The following DUSP3 variants were observed in gnomAD, a reference collection of about 807,000 sequenced individuals.
DUSP3 encodes dual specificity protein phosphatase 3.
DUSP3 carries 7 observed loss-of-function variants against 15.5 expected under a neutral mutation model. That is an observed-to-expected ratio of 0.45 (90% CI 0.26 to 0.85). DUSP3 has a LOEUF of 0.85. Among genes scored for constraint, DUSP3 ranks in the 40% least tolerant of loss-of-function variants. The probability of loss-of-function intolerance (pLI) is 0.18; values close to 1 mark genes in which losing one functional copy is unlikely to be tolerated. For missense variants in DUSP3, 209 were observed against 251.7 expected (o/e 0.83, Z 1.15); for synonymous variants, 86 against 104.2 (o/e 0.83, Z 1.07).
At chr17:43,771,729 C>T (rs972848500) in intron 2 of DUSP3, among the ~76,000 whole-genome samples, 9 of 152,124 alleles carry the variant, frequency 5.9e-5, no homozygotes, top group Admixed American at 5.9e-4. Context: ...CAAGAAATGG[C>T]CGGACACGGT....
chr17:43,774,691 T>G, intron 2 of DUSP3, 21 bp downstream of exon 2: 1 of 1,612,966 alleles, frequency 6.2e-7, no homozygotes, highest in South Asian at 1.1e-5. Context: ...TCCCATCTTT[T>G]CCTGGTGGGA....
At chr17:43,774,185 C>T (rs1256444595) in intron 2 of DUSP3, 3 of 276,868 alleles carry the variant, frequency 1.1e-5, no homozygotes, top group South Asian at 9.3e-5. Flanking sequence ...GCTGCAGGGC[C>T]TCATCTGCTG....
chr17:43,776,805 C>G (rs1974394014), intron 1 of DUSP3, among the ~76,000 whole-genome samples: 1 of 152,212 alleles, frequency 6.6e-6, no homozygotes, highest in African/African-American at 2.4e-5. Context: ...GGCCTGCTTG[C>G]TGCTTGGTGC....
At chr17:43,772,986 C>G (rs919768747) in intron 2 of DUSP3, among the ~76,000 whole-genome samples, 4 of 152,292 alleles carry the variant, frequency 2.6e-5, no homozygotes, top group Middle Eastern at 3.4e-3. Flanking sequence ...TGCTATTATA[C>G]GAGAACAACA....
rs1471425459 is a variant in DUSP3 at position 43,768,855 on chromosome 17, CTGAGA to C, written c.*749_*753del. 1 of 151,524 alleles carries C rather than the reference CTGAGA, an allele frequency of 6.6e-6. No homozygotes were observed. Among genetic ancestry groups the C allele is most frequent in the Non-Finnish European group, 1.5e-5 (1 of 67,936 alleles). 9.4% of individuals were successfully genotyped at this position (151,524 alleles called of 1,614,324 possible). On this transcript the variant is annotated 3_prime_UTR_variant, in exon 3 of 3. Transcript: ENST00000226004. ...ATCACTCTTCTCAAAAACGAAGTGA[CTGAGA>C]TAAGATCGAAGGGAAATATTCCAGA...
intron 2 of DUSP3, 96 bp downstream of exon 2, chr17:43,774,616 G>C (rs536993378): frequency 2.3e-6 from 3 of 1,320,060 alleles, no homozygotes; most frequent in African/African-American, 1.5e-5. Flanking sequence ...GGGAAACAAG[G>C]GAGTTTCTAA....
Position 43,778,853 on chromosome 17 carries a change from G to C in DUSP3, c.72C>G (p.Ser24Arg), listed in dbSNP as rs1381923630. ...DLLSDGSGCY[S>R]LPSQPCNEVT... ...CCTCGTTGCAGGGCTGGCTCGGGAG[G>C]CTGTAGCAGCCGCTGCCGTCCGAGA... Residue 24 changes from serine (S) to arginine (R), a missense_variant, in exon 1 of 3, where the codon AGC becomes AGG. Ser to Arg is a moderately radical substitution (Grantham distance 110). Coordinates refer to ENST00000226004, the MANE Select transcript of DUSP3 (RefSeq NM_004090.4). 2 of 1,527,204 alleles carry C rather than the reference G, an allele frequency of 1.3e-6. No homozygotes were observed. The highest frequency in any genetic ancestry group is 1.8e-6 in the Non-Finnish European group (2 of 1,138,892). 94.6% of individuals were successfully genotyped at this position (1,527,204 alleles called of 1,614,324 possible). A position where few individuals can be genotyped will look rare whatever the true frequency, so the allele number is the denominator to read the frequency against.
intron 1 of DUSP3, chr17:43,777,415 C>A: frequency 2.3e-6 from 1 of 439,168 alleles, no homozygotes; most frequent in Non-Finnish European, 4.6e-6. Flanking sequence ...TGAGAACTGT[C>A]CCCATGAGGC....
chr17:43,777,703 CT>C, intron 1 of DUSP3: 1 of 371,806 alleles, frequency 2.7e-6, no homozygotes, highest in South Asian at 2.0e-5. Context: ...GAAAATCCAA[CT>C]TGAGGCTTTC....
chr17:43,770,986 ATATATGTG>A (rs1278337048), intron 2 of DUSP3, among the ~76,000 whole-genome samples: 1 of 63,326 alleles, frequency 1.6e-5, no homozygotes, highest in African/African-American at 5.1e-5. Flanking sequence ...GTGCGTGTAT[ATATATGTG>A]TGTGTGTGTG....
intron 1 of DUSP3, 138 bp from the exon 2 acceptor site, chr17:43,775,076 C>T: frequency 1.2e-6 from 1 of 824,568 alleles, no homozygotes; most frequent in South Asian, 1.5e-5. Context: ...TCTCCTGCCT[C>T]ATCTTATGAC....
chr17:43,771,345 A>C (rs61608877), intron 2 of DUSP3, among the ~76,000 whole-genome samples: 37,275 of 151,956 alleles, frequency 0.25, 5,202 homozygotes, highest in African/African-American at 0.37. Flanking sequence ...TTTCAGACTG[A>C]GGTTAGTTGA....
At chr17:43,772,564 C>G (rs1238427148) in intron 2 of DUSP3, among the ~76,000 whole-genome samples, 1 of 152,196 alleles carries the variant, frequency 6.6e-6, no homozygotes, top group African/African-American at 2.4e-5. Context: ...AGTGATGGGT[C>G]CCTGGGCCCC....
Position 43,766,860 on chromosome 17 carries a change from T to C in DUSP3, c.*2749A>G, listed in dbSNP as rs1202791335. 1 of 152,088 alleles carries C rather than the reference T, an allele frequency of 6.6e-6. No individual in the cohort carries two copies. Among genetic ancestry groups the C allele is most frequent in the Non-Finnish European group, 1.5e-5 (1 of 68,036 alleles). The allele number at this position is 152,088 out of a possible 1,614,324, so 9.4% of individuals were successfully genotyped here. Reference sequence around the variant, plus strand: ...CTAATTTTGCCTGGATGGTGCTCTGTCAGTCAAAGAAAGGGAACAGGTCTG... The same window carrying C: ...CTAATTTTGCCTGGATGGTGCTCTGCCAGTCAAAGAAAGGGAACAGGTCTG... On this transcript the variant is annotated 3_prime_UTR_variant, in exon 3 of 3. Transcript: ENST00000226004.
rs753754983 is a variant in DUSP3, at chr17:43,769,647, T to C, written c.520A>G (p.Asn174Asp). ...DGFLAQLCQL[N>D]DRLAKEGKLK... ...TTCCCCTCCTTGGCTAGTCTGTCAT[T>C]GAGCTGGCAGAGCTGGGCCAGGAAG... The change falls in exon 3 of 3, where the codon AAT becomes GAT. Residue 174 changes from asparagine (N) to aspartate (D), a missense_variant. Transcript: ENST00000226004. 3.7e-6 allele frequency: 6 copies of C among 1,612,640 alleles called. No homozygotes were observed. In the South Asian group the frequency reaches 6.6e-5, roughly 18 times the overall value.
intron 1 of DUSP3, among the ~76,000 whole-genome samples, chr17:43,775,968 G>A (rs1023909885): frequency 2.6e-5 from 4 of 152,166 alleles, no homozygotes; most frequent in Non-Finnish European, 5.9e-5. Flanking sequence ...AAAGTGAGCC[G>A]GGTGTGGTGG....
chr17:43,771,769 G>A (rs1337054966), intron 2 of DUSP3, among the ~76,000 whole-genome samples: 4 of 152,188 alleles, frequency 2.6e-5, no homozygotes, highest in African/African-American at 9.6e-5. Flanking sequence ...AACACTTTGG[G>A]AGGTCGAGGT....
At position 43,774,902 on chromosome 17, in the gene DUSP3, T is replaced by C. The variant is rs749543145; in HGVS notation, c.162A>G (p.Leu54=). The C allele has an allele frequency of 3.7e-6, 6 of 1,614,078 alleles. No homozygotes were observed. In the Admixed American group the frequency reaches 6.7e-5, roughly 18 times the overall value. ...CCGCGTTCAGCACATGGGTGATGCC[T>C]AGTTTCTGCAGCTTGGGGATGTCCT... ...VAQDIPKLQK[L]GITHVLNAAE... Residue 54 remains leucine, a synonymous_variant, in exon 2 of 3, where the codon CTA becomes CTG. Coordinates refer to ENST00000226004, the MANE Select transcript of DUSP3 (RefSeq NM_004090.4).
At chr17:43,778,765 G>A (rs1380413975) in intron 1 of DUSP3, 35 bp downstream of exon 1, 4 of 1,497,972 alleles carry the variant, frequency 2.7e-6, no homozygotes, top group African/African-American at 1.4e-5. Context: ...CGTCCCGAGA[G>A]GGACGGCGGG....
Sources: gnomAD v4.1 joint callset for allele counts (sites outside exome capture counted in the v4.1 genomes callset) on GRCh38, gnomAD v4.1.1 for gene constraint, MANE v1.5 for transcripts, NCBI Gene and HGNC (gene_info 2026-07-23, HGNC 2026-07-21) for gene names.